Variants in FRAS1 observed in about 807,000 individuals in gnomAD.
FRAS1 encodes the protein extracellular matrix organizing protein FRAS1.
FRAS1 carries 290 observed loss-of-function variants against 435.2 expected under a neutral mutation model. The observed-to-expected ratio is 0.67, with a 90% CI of 0.61 to 0.73. The LOEUF (loss-of-function observed/expected upper bound fraction) is 0.73. Among genes scored for constraint, FRAS1 ranks in the 30% least tolerant of loss-of-function variants. The pLI, the probability that FRAS1 is intolerant of heterozygous loss-of-function variation, is 0.00. For missense variants in FRAS1, 4,860 were observed against 5,001.5 expected (o/e 0.97, Z 0.85); for synonymous variants, 1,800 against 1,851.0 (o/e 0.97, Z 0.71).
chr4:78,539,186 A>G (rs1721974479), intron 72 of FRAS1, 108 bp from the exon 73 acceptor site: 4 of 1,074,666 alleles, frequency 3.7e-6, no homozygotes, highest in Admixed American at 2.4e-5. Context: ...TCTCAACTCA[A>G]CCTAAAGCCA....
intron 20 of FRAS1, among the ~76,000 whole-genome samples, chr4:78,346,482 C>T (rs1390317223): frequency 1.3e-5 from 2 of 152,168 alleles, no homozygotes; most frequent in Non-Finnish European, 2.9e-5. Context: ...GAGCGCACTT[C>T]AGAGGGCACA....
chr4:78,400,639 C>A, intron 29 of FRAS1, 95 bp from the exon 30 acceptor site: 2 of 1,266,570 alleles, frequency 1.6e-6, no homozygotes, highest in Non-Finnish European at 2.2e-6. Context: ...ATTAGACGAT[C>A]TTTAACAACA....
chr4:78,276,589 C>T (rs1727053378), intron 9 of FRAS1, among the ~76,000 whole-genome samples: 1 of 152,252 alleles, frequency 6.6e-6, no homozygotes. Flanking sequence ...ACTCTAGACC[C>T]TGTTTGCCTG....
chr4:78,483,798 A>ATATATATATATATATATATAT (rs1491045148), intron 58 of FRAS1, among the ~76,000 whole-genome samples: 30 of 71,594 alleles, frequency 4.2e-4, no homozygotes, highest in East Asian at 1.2e-3. Flanking sequence ...ATATATATAT[A>ATATATATATATATATATATAT]AAATTATGTA....
intron 47 of FRAS1, among the ~76,000 whole-genome samples, chr4:78,462,492 G>A (rs1216672841): frequency 6.6e-6 from 1 of 152,120 alleles, no homozygotes; most frequent in Non-Finnish European, 1.5e-5. Context: ...AATCTCAAGA[G>A]GAAGGCAAAA....
intron 3 of FRAS1, among the ~76,000 whole-genome samples, chr4:78,239,327 C>G (rs1724903307): frequency 6.6e-6 from 1 of 152,126 alleles, no homozygotes; most frequent in Admixed American, 6.5e-5. Flanking sequence ...CATTAACAAC[C>G]CCCTCCCAGC....
intron 3 of FRAS1, among the ~76,000 whole-genome samples, chr4:78,241,806 G>A (rs1011566340): frequency 6.6e-6 from 1 of 152,114 alleles, no homozygotes; most frequent in Non-Finnish European, 1.5e-5. Flanking sequence ...GATGAAAATC[G>A]CTTGAACTGA....
At chr4:78,282,739 A>C (rs1727389553) in intron 11 of FRAS1, 81 bp from the exon 12 acceptor site, 19 of 1,534,678 alleles carry the variant, frequency 1.2e-5, no homozygotes, top group Non-Finnish European at 1.6e-5. Context: ...TTCTTATGGA[A>C]ATTGTAAGTT....
chr4:78,395,633 T>G (rs976976773), intron 29 of FRAS1, among the ~76,000 whole-genome samples: 4 of 152,068 alleles, frequency 2.6e-5, no homozygotes, highest in Admixed American at 2.0e-4. Flanking sequence ...TTGTGATGTT[T>G]TTGACTTCAA....
At chr4:78,144,792 T>A (rs1375236089) in intron 2 of FRAS1, among the ~76,000 whole-genome samples, 1 of 152,208 alleles carries the variant, frequency 6.6e-6, no homozygotes, top group Non-Finnish European at 1.5e-5. Flanking sequence ...TATCTTTCTA[T>A]AGAATTATTT....
intron 56 of FRAS1, among the ~76,000 whole-genome samples, chr4:78,481,418 G>A (rs1349361356): frequency 1.3e-5 from 2 of 152,264 alleles, no homozygotes; most frequent in East Asian, 3.9e-4. Flanking sequence ...ACATCCCTGA[G>A]GCCCCAGGCT....
At chr4:78,193,254 T>G (rs1307302168) in intron 2 of FRAS1, among the ~76,000 whole-genome samples, 1 of 152,218 alleles carries the variant, frequency 6.6e-6, no homozygotes, top group African/African-American at 2.4e-5. Context: ...TCTGTTGATT[T>G]GGGGTGGAGA....
intron 15 of FRAS1, among the ~76,000 whole-genome samples, chr4:78,310,878 T>G (rs345526): frequency 6.6e-6 from 1 of 152,238 alleles, no homozygotes; most frequent in African/African-American, 2.4e-5. Context: ...CCTACCAGCC[T>G]GTATCTGTAG....
chr4:78,498,606 A>G (rs1473757848), intron 60 of FRAS1, among the ~76,000 whole-genome samples: 4 of 152,144 alleles, frequency 2.6e-5, no homozygotes, highest in Non-Finnish European at 1.5e-5. Context: ...AATGAGGCTT[A>G]TCTTCTACAG....
At chr4:78,095,413 T>C (rs1182764122) in intron 2 of FRAS1, among the ~76,000 whole-genome samples, 1 of 152,230 alleles carries the variant, frequency 6.6e-6, no homozygotes, top group Non-Finnish European at 1.5e-5. Context: ...GAAATCTCAC[T>C]ATTATGTTAT....
intron 2 of FRAS1, among the ~76,000 whole-genome samples, chr4:78,200,168 ATGTTAC>A (rs1722991071): frequency 6.6e-6 from 1 of 152,166 alleles, no homozygotes; most frequent in Admixed American, 6.5e-5. Flanking sequence ...GGATGATGAA[ATGTTAC>A]TGTCGACAGT....
In FRAS1 at chr4:78,058,075, T is replaced by C; in HGVS notation, c.66T>C (p.His22=). 1 of 1,613,698 alleles carries C rather than the reference T, an allele frequency of 6.2e-7. No homozygotes were observed. Among genetic ancestry groups the C allele is most frequent in the Non-Finnish European group, 8.5e-7 (1 of 1,179,798 alleles). ...TGGCGGAATTTGCAGTATTGCCTCA[T>C]CATTCCGAAGGTGAGAGAGCGGTGC... ...LALAEFAVLP[H]HSEGACVYQD... The change falls in exon 1 of 74, where the codon CAT becomes CAC. Residue 22 remains histidine (H), a synonymous_variant. Transcript: ENST00000512123.
chr4:78,173,813 C>A (rs1406825767), intron 2 of FRAS1, among the ~76,000 whole-genome samples: 1 of 152,182 alleles, frequency 6.6e-6, no homozygotes, highest in African/African-American at 2.4e-5. Context: ...GGAGAAAGTG[C>A]TCCTCATTTA....
rs767679025 is a variant in FRAS1 at position 78,448,336 on chromosome 4, G to T, written c.6274+20G>T. 1.1e-5 allele frequency: 18 copies of T among 1,573,360 alleles called. No individual in the cohort carries two copies. The highest frequency in any genetic ancestry group is 2.4e-5 in the South Asian group (2 of 84,652). On this transcript the variant is annotated intron_variant, in intron 44 of 73. Transcript: ENST00000512123. ...CAGCAGGTACCACAGAAATAAAGGA[G>T]AGTGGCCATGGTTTTTCTATCCTTA... is the stretch of plus-strand genomic sequence containing the variant.
Sources: allele counts gnomAD v4.1 joint callset (sites outside exome capture counted in the v4.1 genomes callset), GRCh38; gene constraint gnomAD v4.1.1; transcripts MANE v1.5; gene names NCBI Gene and HGNC (gene_info 2026-07-23, HGNC 2026-07-21).